Variants in CDH11 observed in about 807,000 individuals in gnomAD.
CDH11 encodes the protein cadherin-11.
A neutral mutation model predicts 67.8 loss-of-function variants in CDH11; 11 were observed. The observed-to-expected ratio is 0.16, with a 90% CI of 0.10 to 0.27. The LOEUF (loss-of-function observed/expected upper bound fraction) is 0.27. Ranked by LOEUF, CDH11 falls within the 10% of genes least tolerant of loss-of-function variation. The pLI, the probability that CDH11 is intolerant of heterozygous loss-of-function variation, is 1.00. For synonymous variants in CDH11, 419 were observed against 400.0 expected (o/e 1.05, Z -0.57); for missense variants, 847 against 1,031.2 (o/e 0.82, Z 2.45).
chr16:65,087,510 C>A (rs1184959098), intron 1 of CDH11, among the ~76,000 whole-genome samples: 1 of 152,106 alleles, frequency 6.6e-6, no homozygotes, highest in Non-Finnish European at 1.5e-5. Context: ...AAATTCCTTG[C>A]TCTTAATATT....
intron 1 of CDH11, among the ~76,000 whole-genome samples, chr16:65,115,753 G>A (rs58793156): frequency 0.14 from 18,144 of 128,674 alleles, 1,284 homozygotes; most frequent in East Asian, 0.26. Context: ...ATCAAAATAA[G>A]TAATACTTTA....
intron 2 of CDH11, among the ~76,000 whole-genome samples, chr16:65,053,566 C>G (rs1371327415): frequency 6.6e-6 from 1 of 152,196 alleles, no homozygotes. Flanking sequence ...TCCTCCAGAT[C>G]TTACTATTAC....
Position 64,945,366 on chromosome 16 carries a change from T to C in CDH11, c.*2237A>G, listed in dbSNP as rs2071179035. ...TTAACTACTGAAAAGTAAACAGCCT[T>C]TTTAAAAAAGACTTCAACATAAAAA... On this transcript the variant is annotated 3_prime_UTR_variant, in exon 13 of 13. Transcript: ENST00000268603. 4.9e-6 allele frequency: 5 copies of C among 1,015,038 alleles called. No homozygotes were observed. In the South Asian group the frequency reaches 2.3e-4, roughly 48 times the overall value. 62.9% of individuals were successfully genotyped at this position (1,015,038 alleles called of 1,614,324 possible).
At chr16:65,009,418 G>A (rs1271826518) in intron 2 of CDH11, among the ~76,000 whole-genome samples, 1 of 152,048 alleles carries the variant, frequency 6.6e-6, no homozygotes, top group African/African-American at 2.4e-5. Flanking sequence ...ACCTGTTTCA[G>A]AATTTCTAAA....
chr16:64,993,003 A>G lies in CDH11; in HGVS notation c.555T>C (p.Asp185=), dbSNP rs1224875695. The G allele has an allele frequency of 3.7e-6, 6 of 1,611,460 alleles. No homozygotes were observed. In the African/African-American group the frequency reaches 5.3e-5, roughly 14 times the overall value. Residue 185 remains aspartate (D), a synonymous_variant, in exon 5 of 13, where the codon GAT becomes GAC. Coordinates refer to ENST00000268603, the MANE Select transcript of CDH11 (RefSeq NM_001797.4). ...TATTTCCATAAGTGGGGTCATCTGC[A>G]TCTGAAGCTGTCACCTGGATTACTG... ...GTSVIQVTAS[D]ADDPTYGNSA...
intron 11 of CDH11, among the ~76,000 whole-genome samples, chr16:64,966,643 C>T (rs2071836273): frequency 6.6e-6 from 1 of 151,718 alleles, no homozygotes; most frequent in East Asian, 1.9e-4. Context: ...TTAAAATGCC[C>T]AACAGGTGGG....
rs759597438 is a variant in CDH11 at position 64,947,887 on chromosome 16, T to C, written c.2107A>G (p.Met703Val). 2.5e-6 allele frequency: 4 copies of C among 1,614,188 alleles called. No individual in the cohort carries two copies. Among genetic ancestry groups the C allele is most frequent in the South Asian group, 1.1e-5 (1 of 91,070 alleles). The part of the protein sequence containing the change: ...RKDIKPEYQY[M>V]PRPGLRPAPN... ...GCTGGCCGGAGCCCAGGTCTAGGCA[T>C]GTACTGATACTCAGGTTTGATGTCT... Residue 703 changes from methionine (M) to valine (V), a missense_variant, in exon 13 of 13, where the codon ATG (methionine) becomes GTG (valine). Met to Val is a conservative substitution (Grantham distance 21). Around this residue, in one of 2 missense-constraint regions of CDH11, gnomAD observed 612 missense variants for 678.7 expected, o/e 0.90. Transcript: ENST00000268603.
chr16:65,076,671 C>G (rs2074514930), intron 1 of CDH11, among the ~76,000 whole-genome samples: 2 of 151,204 alleles, frequency 1.3e-5, no homozygotes, highest in Non-Finnish European at 2.9e-5. Flanking sequence ...AATCCTATCC[C>G]TCCCCTAGCC....
At position 65,046,434 on chromosome 16, in the gene CDH11, TG is replaced by T. The variant is rs377088826; in HGVS notation, c.-173+7369del. Among the ~76,000 whole-genome samples the T allele has an allele frequency of 6.6e-3, 998 of 152,304 alleles. 12 individuals carry two copies. Among genetic ancestry groups the T allele is most frequent in the African/African-American group, 0.022 (926 of 41,582 alleles). On this transcript the variant is annotated intron_variant, in intron 2 of 12. Coordinates refer to ENST00000268603, the MANE Select transcript of CDH11 (RefSeq NM_001797.4). ...CCTCCAGCCATCTCCATCCTAGGGATGGATCCCCATCCTGGGGGTGGATTTG... is the reference window on the plus strand; with the variant it reads ...CCTCCAGCCATCTCCATCCTAGGGATGATCCCCATCCTGGGGGTGGATTTG...
At chr16:65,100,408 A>G (rs1189763501) in intron 1 of CDH11, among the ~76,000 whole-genome samples, 2 of 135,896 alleles carry the variant, frequency 1.5e-5, no homozygotes, top group East Asian at 3.9e-4. Flanking sequence ...AAGAAAATTG[A>G]AAAAAAAAAT....
At chr16:65,013,365 AG>A (rs2073222255) in intron 2 of CDH11, among the ~76,000 whole-genome samples, 1 of 152,132 alleles carries the variant, frequency 6.6e-6, no homozygotes, top group African/African-American at 2.4e-5. Context: ...GAGCTGTCAG[AG>A]GTGTGCAGGA....
chr16:64,946,589 A>C lies in CDH11; in HGVS notation c.*1014T>G. On this transcript the variant is annotated 3_prime_UTR_variant, in exon 13 of 13. Coordinates refer to ENST00000268603, the MANE Select transcript of CDH11 (RefSeq NM_001797.4). ...CCAAGAATGTACAAAAAAGCTTTAC[A>C]TGATGTTACAGAATCTTGTCTGAAA... 1 of 1,033,520 alleles carries C rather than the reference A, an allele frequency of 9.7e-7. No homozygotes were observed. The highest frequency in any genetic ancestry group is 1.2e-6 in the Non-Finnish European group (1 of 858,966). 64.0% of individuals were successfully genotyped at this position (1,033,520 alleles called of 1,614,324 possible). A position where few individuals can be genotyped will look rare whatever the true frequency, so the allele number is the denominator to read the frequency against.
intron 2 of CDH11, among the ~76,000 whole-genome samples, chr16:65,011,328 A>G (rs1407495819): frequency 1.1e-4 from 17 of 152,114 alleles, no homozygotes; most frequent in Admixed American, 1.1e-3. Flanking sequence ...CTTGAATACA[A>G]GAAGATTGCA....
In CDH11 at chr16:64,947,363, G is replaced by GTT. The variant is rs34181449; in HGVS notation, c.*238_*239dup. On this transcript the variant is annotated 3_prime_UTR_variant, in exon 13 of 13. Transcript: ENST00000268603. ...CACTTAAATATTTTGTATGCCAAGT[G>GTT]TTTTTTTTTTCTAGCGAAGTTGATA... 5.0e-5 allele frequency: 57 copies of GTT among 1,147,582 alleles called. No homozygotes were observed. The highest frequency in any genetic ancestry group is 2.5e-4 in the South Asian group (9 of 36,654). 71.1% of individuals were successfully genotyped at this position (1,147,582 alleles called of 1,614,324 possible). A position where few individuals can be genotyped will look rare whatever the true frequency, so the allele number is the denominator to read the frequency against.
intron 11 of CDH11, among the ~76,000 whole-genome samples, chr16:64,966,217 C>G (rs1216600361): frequency 6.6e-6 from 1 of 151,776 alleles, no homozygotes; most frequent in Non-Finnish European, 1.5e-5. Flanking sequence ...CAATGACTTC[C>G]TGAGGGTAAT....
chr16:64,980,892 G>C (rs2072316549), intron 8 of CDH11, among the ~76,000 whole-genome samples: 2 of 151,868 alleles, frequency 1.3e-5, no homozygotes, highest in African/African-American at 4.8e-5. Flanking sequence ...AGTGGCTGTG[G>C]GAAAAGAAAC....
chr16:65,041,116 C>A (rs1463375957), intron 2 of CDH11, among the ~76,000 whole-genome samples: 1 of 152,208 alleles, frequency 6.6e-6, no homozygotes, highest in Non-Finnish European at 1.5e-5. Flanking sequence ...AAGTGCTGGG[C>A]AATTGTGTAA....
At chr16:65,120,506 C>G (rs1292905887) in intron 1 of CDH11, among the ~76,000 whole-genome samples, 1 of 152,108 alleles carries the variant, frequency 6.6e-6, no homozygotes, top group Non-Finnish European at 1.5e-5. Context: ...TCAGAGCGAT[C>G]GTAGCACGAT....
chr16:64,947,282 T>C lies in CDH11; in HGVS notation c.*321A>G. 8.8e-7 allele frequency: 1 copy of C among 1,142,400 alleles called. No individual in the cohort carries two copies. The highest frequency in any genetic ancestry group is 1.1e-6 in the Non-Finnish European group (1 of 926,880). The allele number at this position is 1,142,400 out of a possible 1,614,324, so 70.8% of individuals were successfully genotyped here. A position where few individuals can be genotyped will look rare whatever the true frequency, so the allele number is the denominator to read the frequency against. On this transcript the variant is annotated 3_prime_UTR_variant, in exon 13 of 13. Transcript: ENST00000268603. ...TTAAAAAAGAAGAAAGACTTGGATG[T>C]TCATAACACATAAACAATTTCCCTT... is the stretch of plus-strand genomic sequence containing the variant.
Sources: gnomAD v4.1 joint callset for allele counts (sites outside exome capture counted in the v4.1 genomes callset) on GRCh38, gnomAD v4.1.1 for gene constraint, gnomAD v4.1.1 regional missense constraint, MANE v1.5 for transcripts, NCBI Gene and HGNC (gene_info 2026-07-23, HGNC 2026-07-21) for gene names.